Variants in SPATA21 observed in about 807,000 individuals in gnomAD.
SPATA21 encodes the protein spermatogenesis associated 21, also known as spermatogenesis-associated protein 21.
In SPATA21, 47 loss-of-function variants were observed where a neutral mutation model predicts 54.8. The ratio of observed to expected loss-of-function variants is 0.86; its 90% CI spans 0.68 to 1.09. The LOEUF (loss-of-function observed/expected upper bound fraction) is 1.09. Among genes scored for constraint, SPATA21 ranks in the 50% least tolerant of loss-of-function variants. The pLI, the probability that SPATA21 is intolerant of heterozygous loss-of-function variation, is 0.00. For synonymous variants in SPATA21, 245 were observed against 235.3 expected (o/e 1.04, Z -0.38); for missense variants, 599 against 596.4 (o/e 1.00, Z -0.05).
intron 5 of SPATA21, among the ~76,000 whole-genome samples, chr1:16,420,222 G>A (rs545148457): frequency 1.5e-4 from 23 of 152,046 alleles, no homozygotes; most frequent in Non-Finnish European, 3.1e-4. Flanking sequence ...TGTAAGGACA[G>A]AGCTCTTCCA....
intron 5 of SPATA21, among the ~76,000 whole-genome samples, chr1:16,413,012 G>A (rs1570144852): frequency 6.6e-6 from 1 of 151,488 alleles, no homozygotes; most frequent in Non-Finnish European, 1.5e-5. Context: ...TGGATCTCCT[G>A]ACCTCTTGAT....
chr1:16,425,023 A>G (rs1256322996), intron 3 of SPATA21: 4 of 324,968 alleles, frequency 1.2e-5, no homozygotes, highest in African/African-American at 2.2e-5. Context: ...TGTTCAAGCA[A>G]TTCTCCTGCC....
chr1:16,402,758 T>G (rs1393836106), intron 10 of SPATA21, among the ~76,000 whole-genome samples: 1 of 151,244 alleles, frequency 6.6e-6, no homozygotes, highest in Non-Finnish European at 1.5e-5. Context: ...GGCTCATGCC[T>G]GTAATCCCAG....
At chr1:16,420,673 C>T (rs1424893902) in intron 5 of SPATA21, among the ~76,000 whole-genome samples, 1 of 151,956 alleles carries the variant, frequency 6.6e-6, no homozygotes, top group Non-Finnish European at 1.5e-5. Flanking sequence ...GCCATGGGAG[C>T]AGGGGCCCAT....
Position 16,409,205 on chromosome 1 carries a change from T to G in SPATA21, c.588-2A>C. 1 of 1,614,032 alleles carries G rather than the reference T, an allele frequency of 6.2e-7. No homozygotes were observed. The highest frequency in any genetic ancestry group is 8.5e-7 in the Non-Finnish European group (1 of 1,179,980). Reference sequence around the variant, plus strand: ...AGGCTCTGCTCTTCCGGCTCCTGCCTGCAGAGGACAGAACCCCGACCCAGG... The same window carrying G: ...AGGCTCTGCTCTTCCGGCTCCTGCCGGCAGAGGACAGAACCCCGACCCAGG... On this transcript the variant is annotated splice_acceptor_variant, in intron 6 of 12. Coordinates refer to ENST00000335496, the MANE Select transcript of SPATA21 (RefSeq NM_198546.1). LOFTEE classifies it high-confidence loss of function. The surrounding 1 kb of genome is among the most constrained non-coding windows in gnomAD (Gnocchi z 4.1).
rs1160289227 is a variant in SPATA21 at position 16,399,431 on chromosome 1, T to C, written c.1265A>G (p.Asn422Ser). The C allele has an allele frequency of 1.2e-6, 2 of 1,613,298 alleles. No homozygotes were observed. The highest frequency in any genetic ancestry group is 2.7e-5 in the African/African-American group (2 of 74,308). The change falls in exon 12 of 13, where the codon AAC becomes AGC. Residue 422 changes from asparagine (N) to serine (S), a missense_variant. Coordinates refer to ENST00000335496, the MANE Select transcript of SPATA21 (RefSeq NM_198546.1). ...DKKMVRRQPS[N>S]HYALDQCTPP... Reference sequence around the variant, plus strand: ...TGTGCACTGGTCTAGTGCATAGTGGTTGCTCGGCTGCCTACGGACCATCTT... The same window carrying C: ...TGTGCACTGGTCTAGTGCATAGTGGCTGCTCGGCTGCCTACGGACCATCTT...
At chr1:16,424,169 T>C (rs1186657235) in intron 3 of SPATA21, among the ~76,000 whole-genome samples, 3 of 83,174 alleles carry the variant, frequency 3.6e-5, no homozygotes, top group Non-Finnish European at 7.9e-5. Context: ...CTTACCAGGC[T>C]GGGTGCGGTG....
intron 10 of SPATA21, among the ~76,000 whole-genome samples, chr1:16,403,475 G>GTTTTTTTC (rs2085516682): frequency 1.4e-5 from 2 of 139,990 alleles, no homozygotes; most frequent in African/African-American, 5.2e-5. Flanking sequence ...TTTTATTCTA[G>GTTTTTTTC]TTTTTTTCTT....
chr1:16,420,994 G>A (rs79786413), intron 5 of SPATA21, among the ~76,000 whole-genome samples: 6,695 of 152,204 alleles, frequency 0.044, 472 homozygotes, highest in African/African-American at 0.15. Flanking sequence ...CCAGGGTGGG[G>A]TTTTGCCAAT....
At chr1:16,418,705 C>T (rs1217944922) in intron 5 of SPATA21, among the ~76,000 whole-genome samples, 1 of 152,034 alleles carries the variant, frequency 6.6e-6, no homozygotes, top group Non-Finnish European at 1.5e-5. Context: ...GTAGCTGGGA[C>T]AACAGGTGCA....
intron 5 of SPATA21, among the ~76,000 whole-genome samples, chr1:16,411,445 AAGT>A (rs958756754): frequency 2.1e-4 from 32 of 152,130 alleles, no homozygotes; most frequent in African/African-American, 7.5e-4. Context: ...CAGCCTCCCA[AAGT>A]GCTGGGATTG....
At chr1:16,404,356 G>T (rs905728219) in intron 8 of SPATA21, among the ~76,000 whole-genome samples, 1 of 152,166 alleles carries the variant, frequency 6.6e-6, no homozygotes, top group South Asian at 2.1e-4. Flanking sequence ...TGTAATCCCA[G>T]CTACTTGGGA....
At chr1:16,431,467 A>G in intron 2 of SPATA21, 45 bp from the exon 3 acceptor site, 4 of 1,557,620 alleles carry the variant, frequency 2.6e-6, no homozygotes, top group African/African-American at 1.4e-5. Context: ...CCCATCACCT[A>G]ACTGCTGCTT....
rs188344399 is a variant in SPATA21 at position 16,414,564 on chromosome 1, T to G, written c.145-4521A>C. Among the ~76,000 whole-genome samples the G allele has an allele frequency of 1.8e-3, 274 of 152,202 alleles. 1 individual carries two copies. The highest frequency in any genetic ancestry group is 3.4e-3 in the Middle Eastern group (1 of 294). ...AGCAAGATAATGTAAATAATGCACT[T>G]GGACAGAGTAAACGCTCAACAAACA... On this transcript the variant is annotated intron_variant, in intron 5 of 12. Coordinates refer to ENST00000335496, the MANE Select transcript of SPATA21 (RefSeq NM_198546.1).
chr1:16,434,838 G>A (rs2086546809), intron 1 of SPATA21, among the ~76,000 whole-genome samples: 1 of 151,732 alleles, frequency 6.6e-6, no homozygotes, highest in African/African-American at 2.4e-5. Context: ...TCCAACACTT[G>A]TTATTATCTG....
intron 3 of SPATA21, among the ~76,000 whole-genome samples, chr1:16,423,176 G>T (rs1368115563): frequency 7.1e-6 from 1 of 141,306 alleles, no homozygotes; most frequent in Non-Finnish European, 1.5e-5. Context: ...AATAATAAAG[G>T]CCTAAGTGGG....
intron 8 of SPATA21, among the ~76,000 whole-genome samples, chr1:16,404,322 T>G (rs2085558309): frequency 6.6e-6 from 1 of 151,678 alleles, no homozygotes; most frequent in Admixed American, 6.6e-5. Flanking sequence ...ATACAAAAAT[T>G]AGCTAGGAGT....
At chr1:16,407,331 G>A (rs970920878) in intron 7 of SPATA21, among the ~76,000 whole-genome samples, 8 of 152,200 alleles carry the variant, frequency 5.3e-5, no homozygotes, top group Non-Finnish European at 2.9e-5. Flanking sequence ...GACAGGGATT[G>A]GGAGCTGTGG....
rs1164387402 is a variant in SPATA21, at chr1:16,409,888, C to G, written c.300G>C (p.Arg100=). The G allele has an allele frequency of 6.2e-7, 1 of 1,613,110 alleles. No individual in the cohort carries two copies. Among genetic ancestry groups the G allele is most frequent in the African/African-American group, 1.3e-5 (1 of 74,892 alleles). The change falls in exon 6 of 13, where the codon CGG becomes CGC. Residue 100 remains arginine, a synonymous_variant. Transcript: ENST00000335496. This position sits in a 1 kb window ranked among gnomAD's most constrained non-coding sequence, Gnocchi z 4.1. ...LEVEKMEASH[R]RASKARSQTA... ...TCTGGGACCGGGCCTTCGAGGCTCTCCGATGGGAGGCCTCCATTTTCTCCA... is the reference window on the plus strand; with the variant it reads ...TCTGGGACCGGGCCTTCGAGGCTCTGCGATGGGAGGCCTCCATTTTCTCCA...
Sources: allele counts gnomAD v4.1 joint callset (sites outside exome capture counted in the v4.1 genomes callset), GRCh38; gene constraint gnomAD v4.1.1; non-coding constraint Gnocchi (gnomAD v3.1); transcripts MANE v1.5; gene names NCBI Gene and HGNC (gene_info 2026-07-23, HGNC 2026-07-21).